AFF4: variants seen among roughly 807,000 people sequenced by gnomAD.
The protein encoded by AFF4 is AF4/FMR2 family member 4.
A neutral mutation model predicts 124.8 loss-of-function variants in AFF4; 13 were observed. The observed-to-expected ratio is 0.10, with a 90% CI of 0.07 to 0.17. The LOEUF is 0.17. AFF4 is among the 10% of genes least tolerant of loss of function. The probability of loss-of-function intolerance (pLI) is 1.00; values close to 1 mark genes in which losing one functional copy is unlikely to be tolerated. For synonymous variants in AFF4, 477 were observed against 496.1 expected (o/e 0.96, Z 0.51); for missense variants, 1,092 against 1,403.8 (o/e 0.78, Z 3.55).
chr5:132,957,916 G>A (rs915932705), intron 1 of AFF4, among the ~76,000 whole-genome samples: 2 of 151,922 alleles, frequency 1.3e-5, no homozygotes, highest in African/African-American at 4.8e-5. Context: ...TAAAAAGATA[G>A]AGGAAAACTT....
In AFF4 at chr5:132,876,852, A is replaced by C. The variant is rs1203763490; in HGVS notation, c.*4207T>G. The C allele has an allele frequency of 5.1e-6, 1 of 197,882 alleles. No individual in the cohort carries two copies. Among genetic ancestry groups the C allele is most frequent in the Admixed American group, 6.0e-5 (1 of 16,530 alleles). The allele number at this position is 197,882 out of a possible 1,614,324, so 12.3% of individuals were successfully genotyped here. ...TTTTGGGGTCTAGAGGTCTAAAGTGAATTTCTCCATTAGCGAGTATCTGAA... is the reference window on the plus strand; with the variant it reads ...TTTTGGGGTCTAGAGGTCTAAAGTGCATTTCTCCATTAGCGAGTATCTGAA... On this transcript the variant is annotated 3_prime_UTR_variant, in exon 21 of 21. Coordinates refer to ENST00000265343, the MANE Select transcript of AFF4 (RefSeq NM_014423.4).
rs1398519006 is a variant in AFF4 at position 132,934,378 on chromosome 5, T to A, written c.687A>T (p.Ser229=). The change falls in exon 3 of 21, where the codon TCA becomes TCT. Residue 229 remains serine (S), a synonymous_variant. Coordinates refer to ENST00000265343, the MANE Select transcript of AFF4 (RefSeq NM_014423.4). ...AAGATTGAGTTGAGTGCTGCCCACTTGAAAAAGGTACACGGGAAGGAGAAT... is the reference window on the plus strand; with the variant it reads ...AAGATTGAGTTGAGTGCTGCCCACTAGAAAAAGGTACACGGGAAGGAGAAT... ...NWDSPSRVPF[S]SGQHSTQSFP... is the part of the protein sequence containing the mutation. 3.7e-6 allele frequency: 6 copies of A among 1,614,108 alleles called. No homozygotes were observed. Among genetic ancestry groups the A allele is most frequent in the Middle Eastern group, 1.6e-4 (1 of 6,062 alleles).
chr5:132,876,907 C>T lies in AFF4; in HGVS notation c.*4152G>A. 1 of 197,954 alleles carries T rather than the reference C, an allele frequency of 5.1e-6. No individual in the cohort carries two copies. Among genetic ancestry groups the T allele is most frequent in the Non-Finnish European group, 1.0e-5 (1 of 95,664 alleles). The allele number at this position is 197,954 out of a possible 1,614,324, so 12.3% of individuals were successfully genotyped here. A position where few individuals can be genotyped will look rare whatever the true frequency, so the allele number is the denominator to read the frequency against. On this transcript the variant is annotated 3_prime_UTR_variant, in exon 21 of 21. Transcript: ENST00000265343. The stretch of plus-strand genomic sequence containing the variant: ...ATGCTCACAAACATGAAAAATTTGG[C>T]CTCTTCTCACTACATATTCCAAGGT...
intron 20 of AFF4, 105 bp from the exon 21 acceptor site, chr5:132,881,291 C>T: frequency 8.4e-7 from 1 of 1,191,726 alleles, no homozygotes; most frequent in Non-Finnish European, 1.2e-6. Flanking sequence ...TCAAAAAATA[C>T]CTCCTCCTAC....
At chr5:132,947,005 C>T (rs547350571) in intron 1 of AFF4, among the ~76,000 whole-genome samples, 35 of 151,896 alleles carry the variant, frequency 2.3e-4, no homozygotes, top group Non-Finnish European at 4.9e-4. Context: ...TGCAGTGAGC[C>T]GAGATCATGC....
chr5:132,910,275 T>C (rs891943898), intron 5 of AFF4, among the ~76,000 whole-genome samples: 1 of 152,212 alleles, frequency 6.6e-6, no homozygotes, highest in Non-Finnish European at 1.5e-5. Context: ...GAGATGAATA[T>C]ACTAAACCAG....
intron 1 of AFF4, among the ~76,000 whole-genome samples, chr5:132,941,035 AAAAG>A (rs1416786488): frequency 5.8e-4 from 88 of 152,172 alleles, no homozygotes; most frequent in African/African-American, 2.1e-3. Context: ...TCAAAAAAAA[AAAAG>A]AAAGAAAAGA....
chr5:132,892,469 T>C, intron 12 of AFF4, 65 bp from the exon 13 acceptor site: 1 of 1,529,672 alleles, frequency 6.5e-7, no homozygotes. Flanking sequence ...GATTTTTCCA[T>C]TTCTCTTTGT....
At chr5:132,905,405 TA>T (rs1760649932) in intron 5 of AFF4, among the ~76,000 whole-genome samples, 1 of 152,232 alleles carries the variant, frequency 6.6e-6, no homozygotes, top group Non-Finnish European at 1.5e-5. Context: ...AAAGCTTACT[TA>T]AAAATAAGCA....
chr5:132,961,209 G>A (rs752735975), intron 1 of AFF4, among the ~76,000 whole-genome samples: 9 of 151,530 alleles, frequency 5.9e-5, no homozygotes, highest in Admixed American at 4.6e-4. Context: ...GTGTGATCTC[G>A]GCTTACTGCA....
chr5:132,944,230 G>A (rs1398726776), intron 1 of AFF4, among the ~76,000 whole-genome samples: 2 of 146,692 alleles, frequency 1.4e-5, no homozygotes, highest in African/African-American at 4.9e-5. Context: ...CCAGCTACTC[G>A]GGAGGCTGAG....
At chr5:132,941,783 A>G (rs1356074457) in intron 1 of AFF4, among the ~76,000 whole-genome samples, 2 of 152,056 alleles carry the variant, frequency 1.3e-5, no homozygotes, top group African/African-American at 4.8e-5. Flanking sequence ...CAACGAGGGC[A>G]GATTACCTGA....
chr5:132,895,834 A>AT (rs1760375958), intron 11 of AFF4, among the ~76,000 whole-genome samples: 2 of 152,254 alleles, frequency 1.3e-5, no homozygotes, highest in African/African-American at 4.8e-5. Flanking sequence ...ACAGCTGGCT[A>AT]TAAGCCAGCA....
intron 1 of AFF4, among the ~76,000 whole-genome samples, chr5:132,956,022 T>C (rs558756078): frequency 1.3e-5 from 2 of 151,004 alleles, no homozygotes; most frequent in East Asian, 3.9e-4. Flanking sequence ...TAAATATATG[T>C]GTATTATACT....
At chr5:132,906,291 C>T (rs897828114) in intron 5 of AFF4, among the ~76,000 whole-genome samples, 14 of 152,200 alleles carry the variant, frequency 9.2e-5, no homozygotes, top group African/African-American at 3.4e-4. Flanking sequence ...CATATGTCCA[C>T]ACAAACACTT....
intron 5 of AFF4, among the ~76,000 whole-genome samples, chr5:132,925,548 C>CA (rs1162662571): frequency 6.6e-6 from 1 of 152,030 alleles, no homozygotes; most frequent in South Asian, 2.1e-4. Flanking sequence ...ATCCACAATT[C>CA]AAACAAAACA....
intron 11 of AFF4, among the ~76,000 whole-genome samples, chr5:132,893,773 C>T (rs1760321282): frequency 6.6e-6 from 1 of 152,112 alleles, no homozygotes; most frequent in South Asian, 2.1e-4. Flanking sequence ...CCACTGCACC[C>T]GGCTTAATGA....
Position 132,885,065 on chromosome 5 carries a change from A to G in AFF4, c.3143+11T>C, listed in dbSNP as rs1361290740. The G allele has an allele frequency of 6.3e-7, 1 of 1,585,880 alleles. No individual in the cohort carries two copies. Among genetic ancestry groups the G allele is most frequent in the Non-Finnish European group, 8.6e-7 (1 of 1,166,174 alleles). On this transcript the variant is annotated intron_variant, in intron 19 of 20. Transcript: ENST00000265343. ...CCACAATAATATTTTACATAATAAAATTTTACCTACCTTCCCAAGCCAGGC... is the reference window on the plus strand; with the variant it reads ...CCACAATAATATTTTACATAATAAAGTTTTACCTACCTTCCCAAGCCAGGC...
At chr5:132,932,032 A>C (rs2150096546) in intron 4 of AFF4, 146 bp downstream of exon 4, 1 of 497,768 alleles carries the variant, frequency 2.0e-6, no homozygotes, top group Middle Eastern at 5.5e-4. Context: ...AAGAGAGTAA[A>C]TTATTTATGA....
Sources: allele counts gnomAD v4.1 joint callset (sites outside exome capture counted in the v4.1 genomes callset), GRCh38; gene constraint gnomAD v4.1.1; transcripts MANE v1.5; gene names NCBI Gene and HGNC (gene_info 2026-07-23, HGNC 2026-07-21).